RAC2: variants seen among roughly 807,000 people sequenced by gnomAD.
RAC2 encodes Rac family small GTPase 2.
RAC2 carries 1 observed loss-of-function variant against 24.0 expected under a neutral mutation model. The ratio of observed to expected loss-of-function variants is 0.04; its 90% CI spans 0.01 to 0.20. RAC2 has a LOEUF of 0.20. Ranked by LOEUF, RAC2 falls within the 10% of genes least tolerant of loss-of-function variation. The pLI is 1.00. For missense variants in RAC2, 130 were observed against 259.1 expected (o/e 0.50, Z 3.42); for synonymous variants, 114 against 106.8 (o/e 1.07, Z -0.41).
rs1927053018 is a variant in RAC2, at chr22:37,231,303, T to C, written c.376A>G (p.Ile126Val). 1 of 1,614,050 alleles carries C rather than the reference T, an allele frequency of 6.2e-7. No homozygotes were observed. Among genetic ancestry groups the C allele is most frequent in the Non-Finnish European group, 8.5e-7 (1 of 1,180,014 alleles). ...KLDLRDDKDT[I>V]EKLKEKKLAP... ...AGCTTCTTCTCCTTCAGTTTCTCGA[T>C]GGTGTCCTTGTCGTCCCGCAGGTCC... The change falls in exon 5 of 7, where the codon ATC becomes GTC. Residue 126 changes from isoleucine (I) to valine (V), a missense_variant. Around this residue, in one of 2 missense-constraint regions of RAC2, gnomAD observed 119 missense variants for 192.1 expected, o/e 0.62. Coordinates refer to ENST00000249071, the MANE Select transcript of RAC2 (RefSeq NM_002872.5). This position sits in a 1 kb window ranked among gnomAD's most constrained non-coding sequence, Gnocchi z 5.5.
At chr22:37,239,062 C>T (rs1243779920) in intron 2 of RAC2, among the ~76,000 whole-genome samples, 1 of 152,170 alleles carries the variant, frequency 6.6e-6, no homozygotes, top group Admixed American at 6.5e-5. Flanking sequence ...TTTTTCCCAA[C>T]CCACCTTCTC....
In RAC2 at chr22:37,231,265, G is replaced by A; in HGVS notation, c.414C>T (p.Thr138=). Residue 138 remains threonine, a synonymous_variant, in exon 5 of 7, where the codon ACC becomes ACT. Coordinates refer to ENST00000249071, the MANE Select transcript of RAC2 (RefSeq NM_002872.5). This position sits in a 1 kb window ranked among gnomAD's most constrained non-coding sequence, Gnocchi z 5.5. ...KLKEKKLAPI[T]YPQGLALAKE... ...TGGCCAGTGCCAGGCCCTGCGGGTA[G>A]GTGATGGGAGCCAGCTTCTTCTCCT... The A allele has an allele frequency of 6.2e-7, 1 of 1,613,830 alleles. No homozygotes were observed. Among genetic ancestry groups the A allele is most frequent in the Admixed American group, 1.7e-5 (1 of 60,014 alleles).
chr22:37,242,778 G>A (rs1389786160), intron 1 of RAC2, among the ~76,000 whole-genome samples: 2 of 152,246 alleles, frequency 1.3e-5, no homozygotes, highest in Admixed American at 1.3e-4. Flanking sequence ...GGACAAATGG[G>A]CCCGCCCCCA....
chr22:37,236,381 C>G (rs1216882883), intron 2 of RAC2, among the ~76,000 whole-genome samples: 1 of 152,198 alleles, frequency 6.6e-6, no homozygotes, highest in Non-Finnish European at 1.5e-5. Context: ...AGAGAGGAAC[C>G]TTATGCACAG....
At chr22:37,235,210 A>C (rs1391676238) in intron 2 of RAC2, among the ~76,000 whole-genome samples, 1 of 152,052 alleles carries the variant, frequency 6.6e-6, no homozygotes, top group Non-Finnish European at 1.5e-5. Context: ...CCACACCCCC[A>C]AAAAGTGGGC....
chr22:37,232,181 C>G (rs943264272), intron 3 of RAC2, among the ~76,000 whole-genome samples, 187 bp from the exon 4 acceptor site: 6 of 152,168 alleles, frequency 3.9e-5, no homozygotes, highest in Non-Finnish European at 8.8e-5. Flanking sequence ...TTTGTTAGGA[C>G]GCTCACTAAA....
intron 2 of RAC2, 136 bp downstream of exon 2, chr22:37,241,451 G>T: frequency 1.0e-6 from 1 of 965,970 alleles, no homozygotes. Context: ...TGGCTGGACT[G>T]TCAGGCAGCT....
chr22:37,241,254 C>G (rs544002252), intron 2 of RAC2: 2 of 721,886 alleles, frequency 2.8e-6, no homozygotes, highest in East Asian at 5.0e-5. Context: ...TCACCTCCTC[C>G]AGCAGCCTGC....
At chr22:37,232,608 A>C (rs1253904937) in intron 3 of RAC2, 193 bp downstream of exon 3, 1 of 610,514 alleles carries the variant, frequency 1.6e-6, no homozygotes, top group Admixed American at 2.5e-5. Context: ...AGGACCGGGA[A>C]CCAATGCAGG....
chr22:37,240,168 G>A (rs999298217), intron 2 of RAC2, among the ~76,000 whole-genome samples: 4 of 152,188 alleles, frequency 2.6e-5, no homozygotes, highest in Non-Finnish European at 4.4e-5. Context: ...TTGGGGGTTG[G>A]GTAGTGAGGA....
intron 2 of RAC2, 111 bp downstream of exon 2, chr22:37,241,476 G>A: frequency 8.7e-7 from 1 of 1,147,528 alleles, no homozygotes; most frequent in African/African-American, 1.5e-5. Context: ...TGGGCTGGAG[G>A]CTGTGGGTGC....
rs777156619 is a variant in RAC2 at position 37,231,903 on chromosome 22, G to A, written c.288+29C>T. ...GTCCCTCAGGGTTACCTGCCCCAGA[G>A]CCCCCAAGGCCCACCCTGTCCAGCT... On this transcript the variant is annotated intron_variant, in intron 4 of 6. Transcript: ENST00000249071. The surrounding 1 kb of genome is among the most constrained non-coding windows in gnomAD (Gnocchi z 5.5). 13 of 1,550,690 alleles carry A rather than the reference G, an allele frequency of 8.4e-6. No individual in the cohort carries two copies. In the South Asian group the frequency reaches 1.4e-4, roughly 17 times the overall value.
intron 2 of RAC2, among the ~76,000 whole-genome samples, chr22:37,233,802 G>A (rs888413916): frequency 6.6e-6 from 1 of 152,178 alleles, no homozygotes; most frequent in African/African-American, 2.4e-5. Context: ...GTCCTGCTGG[G>A]GCCACCTGGG....
intron 1 of RAC2, among the ~76,000 whole-genome samples, chr22:37,243,721 C>T (rs138768472): frequency 2.8e-3 from 421 of 152,340 alleles, no homozygotes; most frequent in Non-Finnish European, 4.1e-3. Flanking sequence ...AAGCCAGTGA[C>T]GACAGCCCAG....
chr22:37,238,761 C>T (rs559276504), intron 2 of RAC2, among the ~76,000 whole-genome samples: 2 of 152,304 alleles, frequency 1.3e-5, no homozygotes, highest in Admixed American at 1.3e-4. Flanking sequence ...AGGGCCCTGC[C>T]GGCTCCAATA....
intron 3 of RAC2, 39 bp downstream of exon 3, chr22:37,232,762 G>T: frequency 6.5e-7 from 1 of 1,539,314 alleles, no homozygotes; most frequent in Non-Finnish European, 9.0e-7. Flanking sequence ...AACAGAGACA[G>T]CAAAGGTCAG....
At chr22:37,242,180 C>T (rs1927418749) in intron 1 of RAC2, among the ~76,000 whole-genome samples, 1 of 152,166 alleles carries the variant, frequency 6.6e-6, no homozygotes, top group Non-Finnish European at 1.5e-5. Context: ...GAGCACAGGG[C>T]CTGATGCATG....
intron 2 of RAC2, among the ~76,000 whole-genome samples, chr22:37,234,442 G>A (rs149911901): frequency 7.2e-5 from 11 of 152,308 alleles, no homozygotes; most frequent in African/African-American, 2.6e-4. Context: ...CCAGAAACCA[G>A]TGACCACGAC....
At chr22:37,227,553 C>T (rs1222365846) in intron 5 of RAC2, among the ~76,000 whole-genome samples, 1 of 111,428 alleles carries the variant, frequency 9.0e-6, no homozygotes, top group African/African-American at 3.5e-5. Flanking sequence ...CCACGCCATA[C>T]ACCCCTTCCC....
Sources: allele counts gnomAD v4.1 joint callset (sites outside exome capture counted in the v4.1 genomes callset), GRCh38; gene constraint gnomAD v4.1.1; regional missense constraint gnomAD v4.1.1; non-coding constraint Gnocchi (gnomAD v3.1); transcripts MANE v1.5; gene names NCBI Gene and HGNC (gene_info 2026-07-23, HGNC 2026-07-21).